Variants in CCDC7 observed in about 807,000 individuals in gnomAD.
CCDC7 encodes coiled-coil domain-containing protein 7.
CCDC7 carries 183 observed loss-of-function variants against 196.9 expected under a neutral mutation model. That is an observed-to-expected ratio of 0.93 (90% confidence interval 0.82 to 1.05). The LOEUF is 1.05. Among genes scored for constraint, CCDC7 ranks in the 50% least tolerant of loss-of-function variants. The pLI, the probability that CCDC7 is intolerant of heterozygous loss-of-function variation, is 0.00. For synonymous variants in CCDC7, 525 were observed against 484.6 expected (o/e 1.08, Z -1.10); for missense variants, 1,540 against 1,482.2 (o/e 1.04, Z -0.64).
intron 33 of CCDC7, among the ~76,000 whole-genome samples, chr10:32,838,765 G>A (rs537335054): frequency 7.9e-5 from 12 of 152,082 alleles, no homozygotes; most frequent in African/African-American, 2.9e-4. Context: ...AGGAAAACCT[G>A]TCAGATTAAC....
At chr10:32,719,487 C>G (rs1030220297) in intron 25 of CCDC7, among the ~76,000 whole-genome samples, 1 of 152,112 alleles carries the variant, frequency 6.6e-6, no homozygotes, top group African/African-American at 2.4e-5. Flanking sequence ...TGACTAAACA[C>G]CAAAGGCAAT....
intron 20 of CCDC7, among the ~76,000 whole-genome samples, chr10:32,661,064 A>G (rs1179217131): frequency 4.8e-5 from 7 of 145,922 alleles, no homozygotes; most frequent in African/African-American, 1.0e-4. Context: ...GAAAATTTTC[A>G]CAACCTACTC....
intron 18 of CCDC7, among the ~76,000 whole-genome samples, chr10:32,587,558 A>G (rs1489989483): frequency 6.6e-6 from 1 of 152,328 alleles, no homozygotes; most frequent in South Asian, 2.1e-4. Context: ...CCAGGGATTA[A>G]GTTTCTAGTA....
intron 21 of CCDC7, among the ~76,000 whole-genome samples, chr10:32,680,069 G>T (rs899457789): frequency 6.6e-5 from 10 of 152,198 alleles, no homozygotes; most frequent in Middle Eastern, 3.4e-3. Flanking sequence ...TTGATCCAAG[G>T]CCCTACACTT....
At chr10:32,560,352 C>A (rs1484386398) in intron 13 of CCDC7, among the ~76,000 whole-genome samples, 1 of 151,928 alleles carries the variant, frequency 6.6e-6, no homozygotes, top group African/African-American at 2.4e-5. Flanking sequence ...AGAAGAGCAA[C>A]TCCAAGACAC....
intron 13 of CCDC7, among the ~76,000 whole-genome samples, chr10:32,554,621 G>A (rs1327106776): frequency 6.6e-6 from 1 of 152,144 alleles, no homozygotes; most frequent in African/African-American, 2.4e-5. Context: ...GGGAAAGGAG[G>A]GTCTCCCTTT....
At chr10:32,662,556 G>T (rs2071713303) in intron 20 of CCDC7, among the ~76,000 whole-genome samples, 1 of 152,102 alleles carries the variant, frequency 6.6e-6, no homozygotes, top group Non-Finnish European at 1.5e-5. Flanking sequence ...AGCATCTAAT[G>T]GAGAGCCCCT....
intron 28 of CCDC7, among the ~76,000 whole-genome samples, chr10:32,752,673 C>T (rs2075838965): frequency 6.6e-6 from 1 of 152,062 alleles, no homozygotes; most frequent in Admixed American, 6.6e-5. Context: ...AAGTTTGCTT[C>T]TCAATGTTAT....
At chr10:32,643,337 G>GT (rs1250478084) in intron 20 of CCDC7, among the ~76,000 whole-genome samples, 2 of 152,086 alleles carry the variant, frequency 1.3e-5, no homozygotes, top group Admixed American at 6.5e-5. Context: ...TTTTGTTAGT[G>GT]TATGTGTGGT....
intron 9 of CCDC7, among the ~76,000 whole-genome samples, chr10:32,493,645 A>C (rs1216615762): frequency 1.3e-5 from 2 of 151,956 alleles, no homozygotes; most frequent in Admixed American, 6.6e-5. Context: ...ACTAATTTAC[A>C]TTCTCACTAA....
intron 19 of CCDC7, among the ~76,000 whole-genome samples, chr10:32,634,716 C>T (rs1053297538): frequency 6.6e-6 from 1 of 152,164 alleles, no homozygotes; most frequent in African/African-American, 2.4e-5. Flanking sequence ...TTTAAGTTAA[C>T]TCATCAGAGG....
chr10:32,785,056 C>A (rs2081628418), intron 29 of CCDC7, among the ~76,000 whole-genome samples: 2 of 152,082 alleles, frequency 1.3e-5, no homozygotes, highest in African/African-American at 4.8e-5. Context: ...AAGAACTGTG[C>A]AGAATTTATG....
chr10:32,855,141 GATCTAAGGATTCA>G (rs910506252), intron 41 of CCDC7, among the ~76,000 whole-genome samples: 173 of 151,556 alleles, frequency 1.1e-3, no homozygotes, highest in African/African-American at 3.6e-3. Context: ...CACTCAAAGT[GATCTAAGGATTCA>G]GTGCAATCTC....
At chr10:32,582,708 T>C (rs1181258914) in intron 16 of CCDC7, among the ~76,000 whole-genome samples, 3 of 152,304 alleles carry the variant, frequency 2.0e-5, no homozygotes, top group Admixed American at 2.0e-4. Context: ...GGAATAAATG[T>C]GACTAAAGGG....
At chr10:32,628,504 A>G (rs747243632) in intron 18 of CCDC7, among the ~76,000 whole-genome samples, 3 of 151,560 alleles carry the variant, frequency 2.0e-5, no homozygotes, top group Non-Finnish European at 2.9e-5. Context: ...TATTTCATTT[A>G]TTTCTGCTCT....
At chr10:32,562,013 C>A (rs1401446150) in intron 13 of CCDC7, among the ~76,000 whole-genome samples, 1 of 152,182 alleles carries the variant, frequency 6.6e-6, no homozygotes, top group Admixed American at 6.5e-5. Context: ...TCAGAGAATA[C>A]TACAAACACC....
rs750642049 is a variant in CCDC7 at position 32,846,390 on chromosome 10, C to A, written c.3619C>A (p.Leu1207Ile). The A allele has an allele frequency of 1.3e-5, 21 of 1,577,418 alleles. No individual in the cohort carries two copies. In the South Asian group the frequency reaches 2.2e-4, roughly 17 times the overall value. Residue 1207 changes from leucine (L) to isoleucine (I), a missense_variant, in exon 37 of 42, where the codon CTC (leucine) becomes ATC (isoleucine). By Grantham distance (5) the Leu-to-Ile change is conservative. Coordinates refer to ENST00000639629, the Ensembl canonical transcript of CCDC7. ...TAATTCTATAGAGACTGATAAAGAA[C>A]TCTTAAAAGATGCTATTGGAAGAGA...
chr10:32,552,990 C>T (rs2053717316), intron 13 of CCDC7, among the ~76,000 whole-genome samples: 1 of 151,840 alleles, frequency 6.6e-6, no homozygotes, highest in Non-Finnish European at 1.5e-5. Flanking sequence ...GGGAAGTTTT[C>T]CTTGATGATT....
chr10:32,871,593 T>C (rs948461491), intron 41 of CCDC7, among the ~76,000 whole-genome samples: 10 of 151,792 alleles, frequency 6.6e-5, no homozygotes, highest in African/African-American at 1.2e-4. Context: ...TTTGTGTCTC[T>C]ATTTCCTTCA....
Sources: allele counts gnomAD v4.1 joint callset (sites outside exome capture counted in the v4.1 genomes callset), GRCh38; gene constraint gnomAD v4.1.1; transcripts MANE v1.5; gene names NCBI Gene and HGNC (gene_info 2026-07-23, HGNC 2026-07-21).